DAPP1: variants seen among roughly 807,000 people sequenced by gnomAD.
The protein encoded by DAPP1 is dual adaptor of phosphotyrosine and 3-phosphoinositides 1, also known as dual adapter for phosphotyrosine and 3-phosphotyrosine and 3-phosphoinositide.
Under a neutral mutation model 41.5 loss-of-function variants are expected in DAPP1, and 20 were observed. The ratio of observed to expected loss-of-function variants is 0.48; its 90% CI spans 0.34 to 0.70. The LOEUF (loss-of-function observed/expected upper bound fraction) is 0.70. DAPP1 is among the 30% of genes least tolerant of loss of function. The probability of loss-of-function intolerance (pLI) is 0.01; values close to 1 mark genes in which losing one functional copy is unlikely to be tolerated. For missense variants in DAPP1, 233 were observed against 333.4 expected, an observed-to-expected ratio of 0.70 and a Z score of 2.35; for synonymous variants, 113 against 116.2, an observed-to-expected ratio of 0.97 and a Z score of 0.18.
chr4:99,837,305 C>T (rs1578357928), intron 2 of DAPP1, among the ~76,000 whole-genome samples: 1 of 152,172 alleles, frequency 6.6e-6, no homozygotes, highest in East Asian at 1.9e-4. Context: ...ACTCCAGGGG[C>T]TGGGATTTGG....
chr4:99,823,074 G>A (rs1266356008), intron 1 of DAPP1, among the ~76,000 whole-genome samples: 3 of 152,142 alleles, frequency 2.0e-5, no homozygotes, highest in Admixed American at 6.5e-5. Context: ...TGATGATTAT[G>A]TAAAAGAATG....
intron 1 of DAPP1, among the ~76,000 whole-genome samples, chr4:99,822,879 G>A (rs77401535): frequency 0.011 from 1,750 of 152,256 alleles, 41 homozygotes; most frequent in African/African-American, 0.039. Flanking sequence ...CCTCTACCAA[G>A]AGCACAGTGA....
At chr4:99,861,886 G>A (rs1051090117) in intron 5 of DAPP1, among the ~76,000 whole-genome samples, 14 of 152,150 alleles carry the variant, frequency 9.2e-5, no homozygotes, top group African/African-American at 3.1e-4. Flanking sequence ...CCTCATAATG[G>A]AATGATTGAG....
At chr4:99,818,290 G>A (rs1265256928) in intron 1 of DAPP1, among the ~76,000 whole-genome samples, 2 of 152,184 alleles carry the variant, frequency 1.3e-5, no homozygotes. Context: ...AGGCCCTTCT[G>A]TGAGCATCCA....
chr4:99,861,928 T>G (rs1169430974), intron 5 of DAPP1, among the ~76,000 whole-genome samples: 2 of 152,282 alleles, frequency 1.3e-5, no homozygotes, highest in East Asian at 3.9e-4. Context: ...CTAGAACATC[T>G]TTCGTTCTTC....
chr4:99,820,273 T>C (rs1670406245), intron 1 of DAPP1, among the ~76,000 whole-genome samples: 1 of 152,112 alleles, frequency 6.6e-6, no homozygotes, highest in African/African-American at 2.4e-5. Flanking sequence ...AAGTAACAAA[T>C]ACTGGAGATA....
intron 1 of DAPP1, among the ~76,000 whole-genome samples, chr4:99,835,161 A>C (rs1294343449): frequency 6.6e-6 from 1 of 151,960 alleles, no homozygotes; most frequent in Non-Finnish European, 1.5e-5. Context: ...GGTGCCTGCC[A>C]CCATGCCAGG....
At position 99,869,385 on chromosome 4, in the gene DAPP1, A is replaced by C. The variant is rs1186881797; in HGVS notation, c.*1200A>C. The C allele has an allele frequency of 6.6e-6, 1 of 152,200 alleles. No individual in the cohort carries two copies. The highest frequency in any genetic ancestry group is 1.5e-5 in the Non-Finnish European group (1 of 68,026). 9.4% of individuals were successfully genotyped at this position (152,200 alleles called of 1,614,324 possible). A position where few individuals can be genotyped will look rare whatever the true frequency, so the allele number is the denominator to read the frequency against. On this transcript the variant is annotated 3_prime_UTR_variant, in exon 9 of 9. Transcript: ENST00000512369. ...TTAATACTATTTTTGTTTAGATAGA[A>C]GTTTCAAAGAAGATAAAAATGCTTG... is the stretch of plus-strand genomic sequence containing the variant.
Position 99,866,068 on chromosome 4 carries a change from G to T in DAPP1, c.721G>T (p.Ala241Ser). 1 of 1,591,444 alleles carries T rather than the reference G, an allele frequency of 6.3e-7. No homozygotes were observed. The highest frequency in any genetic ancestry group is 8.6e-7 in the Non-Finnish European group (1 of 1,167,218). ...TCCATTCAGGACATTTTATCTCTGT[G>T]CAAAGACCGGAGTAGAAGCTGATGA... is the stretch of plus-strand genomic sequence containing the variant. ...VFPFRTFYLC[A>S]KTGVEADEWI... Residue 241 changes from alanine to serine, a missense_variant, in exon 8 of 9, where the codon GCA becomes TCA. Physicochemically the swap from Ala to Ser is moderately conservative, Grantham distance 99. Coordinates refer to ENST00000512369, the MANE Select transcript of DAPP1 (RefSeq NM_014395.3).
intron 2 of DAPP1, 52 bp from the exon 3 acceptor site, chr4:99,840,237 A>G: frequency 7.8e-7 from 1 of 1,287,250 alleles, no homozygotes. Context: ...ATTTCCCTTC[A>G]ACAAGATATT....
chr4:99,838,705 C>T (rs1359052296), intron 2 of DAPP1, among the ~76,000 whole-genome samples: 1 of 152,216 alleles, frequency 6.6e-6, no homozygotes, highest in Non-Finnish European at 1.5e-5. Flanking sequence ...CGGCCTGGTT[C>T]CTAACAGGTA....
chr4:99,818,608 C>T (rs1030864897), intron 1 of DAPP1, among the ~76,000 whole-genome samples: 11 of 152,086 alleles, frequency 7.2e-5, no homozygotes, highest in African/African-American at 1.9e-4. Flanking sequence ...GTGAAACCCA[C>T]GGGTGGAATA....
chr4:99,863,359 T>C (rs1269533853), intron 6 of DAPP1, among the ~76,000 whole-genome samples: 1 of 152,196 alleles, frequency 6.6e-6, no homozygotes, highest in Non-Finnish European at 1.5e-5. Context: ...TTATTAACTG[T>C]CTCTTTGCAG....
At chr4:99,817,057 A>G (rs1722611797) in intron 1 of DAPP1, 43 bp downstream of exon 1, 1 of 1,458,030 alleles carries the variant, frequency 6.9e-7, no homozygotes, top group Non-Finnish European at 9.4e-7. Context: ...GTGGGTGGAC[A>G]TTGACTCCGC....
chr4:99,821,004 TCCG>T (rs2110132092), intron 1 of DAPP1, among the ~76,000 whole-genome samples: 1 of 152,058 alleles, frequency 6.6e-6, no homozygotes, highest in East Asian at 1.9e-4. Flanking sequence ...ACAAAATGAG[TCCG>T]TATTATAAGG....
intron 1 of DAPP1, among the ~76,000 whole-genome samples, chr4:99,820,896 A>T (rs1033255183): frequency 4.6e-5 from 7 of 152,254 alleles, no homozygotes; most frequent in Admixed American, 6.5e-5. Context: ...TTCAAAATGT[A>T]CAGCCATTCT....
At chr4:99,857,095 A>AG (rs539171814) in intron 4 of DAPP1, among the ~76,000 whole-genome samples, 390 of 152,376 alleles carry the variant, frequency 2.6e-3, no homozygotes, top group Non-Finnish European at 4.2e-3. Context: ...AACAGTGATC[A>AG]GGGGCTAACT....
At chr4:99,864,056 C>T (rs1724335438) in intron 7 of DAPP1, 1 of 453,776 alleles carries the variant, frequency 2.2e-6, no homozygotes, top group Non-Finnish European at 3.9e-6. Context: ...GTCAGCTCAG[C>T]TTATGTTGCG....
At chr4:99,848,053 C>T (rs998874952) in intron 3 of DAPP1, among the ~76,000 whole-genome samples, 5 of 151,938 alleles carry the variant, frequency 3.3e-5, no homozygotes, top group Middle Eastern at 3.2e-3. Flanking sequence ...ACCTCATGAT[C>T]CGCCCCCTCG....
Sources: allele counts gnomAD v4.1 joint callset (sites outside exome capture counted in the v4.1 genomes callset), GRCh38; gene constraint gnomAD v4.1.1; transcripts MANE v1.5; gene names NCBI Gene and HGNC (gene_info 2026-07-23, HGNC 2026-07-21).